Variants in NFKB1 observed in about 807,000 individuals in gnomAD.
NFKB1 encodes nuclear factor NF-kappa-B p105 subunit.
In NFKB1, 9 loss-of-function variants were observed where a neutral mutation model predicts 105.1. The observed-to-expected ratio is 0.09, with a 90% CI of 0.05 to 0.15. The LOEUF is 0.15. Ranked by LOEUF, NFKB1 falls within the 10% of genes least tolerant of loss-of-function variation. The probability of loss-of-function intolerance (pLI) is 1.00; values close to 1 mark genes in which losing one functional copy is unlikely to be tolerated. For synonymous variants in NFKB1, 440 were observed against 442.2 expected, an observed-to-expected ratio of 1.00 and a Z score of 0.06; for missense variants, 830 against 1,203.7, an observed-to-expected ratio of 0.69 and a Z score of 4.59.
At chr4:102,566,652 G>A (rs570287986) in intron 5 of NFKB1, among the ~76,000 whole-genome samples, 64 of 152,290 alleles carry the variant, frequency 4.2e-4, no homozygotes, top group African/African-American at 1.5e-3. Context: ...GCAGAGGAAG[G>A]CATGTTCTTG....
chr4:102,576,741 AGC>A (rs1291793405), intron 6 of NFKB1, 133 bp from the exon 7 acceptor site: 4 of 897,074 alleles, frequency 4.5e-6, no homozygotes, highest in Non-Finnish European at 6.8e-6. Context: ...AAATGCATGT[AGC>A]CCCAAGAGAT....
chr4:102,588,543 C>T (rs1725909355), intron 11 of NFKB1, among the ~76,000 whole-genome samples: 1 of 151,902 alleles, frequency 6.6e-6, no homozygotes, highest in Non-Finnish European at 1.5e-5. Flanking sequence ...AAAGGTATGG[C>T]CAAGATAAAT....
chr4:102,584,588 G>A (rs1177156475), intron 10 of NFKB1, 94 bp from the exon 11 acceptor site: 3 of 1,283,174 alleles, frequency 2.3e-6, no homozygotes, highest in Admixed American at 2.6e-5. Context: ...TGGGTATAAA[G>A]AAAAGCATAA....
intron 1 of NFKB1, among the ~76,000 whole-genome samples, chr4:102,510,707 C>T (rs1019531400): frequency 1.3e-5 from 2 of 152,118 alleles, no homozygotes; most frequent in Admixed American, 1.3e-4. Context: ...CAGTCTCTCG[C>T]ATTCATATTT....
At chr4:102,518,829 A>G (rs928252876) in intron 1 of NFKB1, among the ~76,000 whole-genome samples, 50 of 152,098 alleles carry the variant, frequency 3.3e-4, no homozygotes, top group Admixed American at 3.3e-4. Context: ...TGTGCTCCAC[A>G]TGGTCTTTGA....
At chr4:102,537,285 A>G (rs1359380785) in intron 4 of NFKB1, among the ~76,000 whole-genome samples, 1 of 152,204 alleles carries the variant, frequency 6.6e-6, no homozygotes, top group Non-Finnish European at 1.5e-5. Context: ...CATATTAATA[A>G]TCATAAAAAC....
chr4:102,580,706 T>C, intron 9 of NFKB1, 67 bp downstream of exon 9: 1 of 1,274,872 alleles, frequency 7.8e-7, no homozygotes, highest in Non-Finnish European at 1.1e-6. Flanking sequence ...TCTGAGTGTG[T>C]CTGTGAGTCA....
intron 1 of NFKB1, among the ~76,000 whole-genome samples, chr4:102,508,095 T>A (rs1223068099): frequency 6.6e-6 from 1 of 152,238 alleles, no homozygotes; most frequent in Non-Finnish European, 1.5e-5. Flanking sequence ...AATCATGTTT[T>A]ATTGATATTT....
At chr4:102,519,717 A>C (rs1056462163) in intron 1 of NFKB1, among the ~76,000 whole-genome samples, 2 of 152,170 alleles carry the variant, frequency 1.3e-5, no homozygotes, top group Non-Finnish European at 2.9e-5. Flanking sequence ...GAGGAAAACC[A>C]CTTCTGCCTC....
intron 5 of NFKB1, among the ~76,000 whole-genome samples, chr4:102,553,112 A>G (rs980850101): frequency 1.3e-5 from 2 of 152,190 alleles, no homozygotes; most frequent in African/African-American, 4.8e-5. Flanking sequence ...TTCCTTCTGA[A>G]GAAAGGGACA....
intron 11 of NFKB1, among the ~76,000 whole-genome samples, chr4:102,589,787 G>A (rs547146821): frequency 3.3e-5 from 5 of 151,886 alleles, no homozygotes; most frequent in African/African-American, 1.2e-4. Context: ...TTGAAAAAAC[G>A]AAATAAAACC....
chr4:102,563,936 C>T (rs1182487171), intron 5 of NFKB1, among the ~76,000 whole-genome samples: 1 of 151,412 alleles, frequency 6.6e-6, no homozygotes, highest in Non-Finnish European at 1.5e-5. Flanking sequence ...ATTCTCCTGC[C>T]GCCTGCCGAA....
intron 5 of NFKB1, among the ~76,000 whole-genome samples, chr4:102,549,852 C>T (rs1722436392): frequency 1.3e-5 from 2 of 152,130 alleles, no homozygotes; most frequent in African/African-American, 4.8e-5. Flanking sequence ...TTGGCTGTGC[C>T]TTCACACTTT....
Position 102,596,238 on chromosome 4 carries a change from G to A in NFKB1, c.1401G>A (p.Glu467=), listed in dbSNP as rs753109613. The A allele has an allele frequency of 9.9e-6, 16 of 1,613,458 alleles. No individual in the cohort carries two copies. Among genetic ancestry groups the A allele is most frequent in the African/African-American group, 1.3e-5 (1 of 74,904 alleles). Residue 467 remains glutamate (E), a synonymous_variant, in exon 14 of 24, where the codon GAG becomes GAA. Transcript: ENST00000226574. The part of the protein sequence containing the change: ...NLFGKVIETT[E]QDQEPSEATV... ...TTGGGAAAGTTATTGAAACCACAGA[G>A]CAAGATCAGGAGCCCAGCGAGGCCA...
chr4:102,584,619 C>T lies in NFKB1; in HGVS notation c.928-63C>T, dbSNP rs909237781. On this transcript the variant is annotated intron_variant, in intron 10 of 23. Coordinates refer to ENST00000226574, the MANE Select transcript of NFKB1 (RefSeq NM_003998.4). ...CATAAGGAATGTGTTTAATGAGTAG[C>T]ATTACTGCAAAAAAAAAAAAAATGT... 7 of 1,438,790 alleles carry T rather than the reference C, an allele frequency of 4.9e-6. No individual in the cohort carries two copies. The African/African-American group carries it at 1.1e-4, about 22-fold the overall frequency. 89.1% of individuals were successfully genotyped at this position (1,438,790 alleles called of 1,614,324 possible). A position where few individuals can be genotyped will look rare whatever the true frequency, so the allele number is the denominator to read the frequency against.
At chr4:102,586,529 T>C (rs1261430573) in intron 11 of NFKB1, among the ~76,000 whole-genome samples, 1 of 151,476 alleles carries the variant, frequency 6.6e-6, no homozygotes, top group Non-Finnish European at 1.5e-5. Flanking sequence ...AGGCACCAAC[T>C]GAGTCATCAT....
intron 5 of NFKB1, among the ~76,000 whole-genome samples, chr4:102,556,128 C>T (rs1243109572): frequency 6.6e-5 from 10 of 152,120 alleles, no homozygotes; most frequent in Admixed American, 1.3e-4. Flanking sequence ...GATGAAAAGA[C>T]GATTTTGCTG....
intron 10 of NFKB1, among the ~76,000 whole-genome samples, chr4:102,583,538 A>T (rs1432325010): frequency 6.6e-6 from 1 of 152,084 alleles, no homozygotes; most frequent in Admixed American, 6.6e-5. Context: ...TTTAATGAAA[A>T]TGTTTTTAAG....
intron 1 of NFKB1, among the ~76,000 whole-genome samples, chr4:102,513,943 G>A (rs553618768): frequency 1.6e-4 from 24 of 152,136 alleles, no homozygotes; most frequent in African/African-American, 5.8e-4. Flanking sequence ...GGAGTCCGAG[G>A]CAGGCAAATC....
Sources: gnomAD v4.1 joint callset for allele counts (sites outside exome capture counted in the v4.1 genomes callset) on GRCh38, gnomAD v4.1.1 for gene constraint, MANE v1.5 for transcripts, NCBI Gene and HGNC (gene_info 2026-07-23, HGNC 2026-07-21) for gene names.